Variants in CRACR2A observed in about 807,000 individuals in gnomAD.
CRACR2A encodes EF-hand calcium-binding domain-containing protein 4B.
In CRACR2A, 79 loss-of-function variants were observed where a neutral mutation model predicts 90.5. The observed-to-expected ratio is 0.87, with a 90% confidence interval of 0.73 to 1.05. CRACR2A has a LOEUF of 1.05. Among genes scored for constraint, CRACR2A ranks in the 50% least tolerant of loss-of-function variants. The pLI, the probability that CRACR2A is intolerant of heterozygous loss-of-function variation, is 0.00. For synonymous variants in CRACR2A, 338 were observed against 356.7 expected (o/e 0.95, Z 0.59); for missense variants, 823 against 897.2 (o/e 0.92, Z 1.06).
chr12:3,629,585 G>C (rs1206574138), intron 15 of CRACR2A, among the ~76,000 whole-genome samples: 1 of 152,244 alleles, frequency 6.6e-6, no homozygotes, highest in Non-Finnish European at 1.5e-5. Flanking sequence ...CTTGCAGGTA[G>C]ACGGGCAGGG....
intron 15 of CRACR2A, among the ~76,000 whole-genome samples, chr12:3,629,663 G>T (rs1177239092): frequency 6.6e-6 from 1 of 152,204 alleles, no homozygotes; most frequent in African/African-American, 2.4e-5. Flanking sequence ...ACAGGCAGCT[G>T]CCTCTGGCAG....
At chr12:3,732,843 G>A (rs148349423) in intron 2 of CRACR2A, 99 bp downstream of exon 2, 2 of 152,368 alleles carry the variant, frequency 1.3e-5, no homozygotes, top group East Asian at 1.9e-4. Context: ...GAGAAATGCT[G>A]TTTTCTTATC....
intron 18 of CRACR2A, 55 bp downstream of exon 18, chr12:3,619,216 C>T (rs1867757683): frequency 6.8e-7 from 1 of 1,467,154 alleles, no homozygotes; most frequent in Non-Finnish European, 9.3e-7. Flanking sequence ...GGCACTTGCC[C>T]AACTTCCCTC....
At chr12:3,616,196 G>A (rs1401355140) in intron 19 of CRACR2A, among the ~76,000 whole-genome samples, 2 of 152,166 alleles carry the variant, frequency 1.3e-5, no homozygotes, top group African/African-American at 4.8e-5. Context: ...CTATAACCTC[G>A]CCAATGCATA....
intron 11 of CRACR2A, among the ~76,000 whole-genome samples, chr12:3,647,130 C>A (rs903829567): frequency 6.6e-6 from 1 of 152,206 alleles, no homozygotes; most frequent in East Asian, 1.9e-4. Context: ...CCCCGTCACA[C>A]CCCAGCTGTT....
chr12:3,689,522 T>C (rs991815404), intron 4 of CRACR2A, among the ~76,000 whole-genome samples: 1 of 152,242 alleles, frequency 6.6e-6, no homozygotes, highest in Admixed American at 6.5e-5. Context: ...TGAACCAACC[T>C]TGCATCCCAG....
In CRACR2A at chr12:3,638,380, G is replaced by C. The variant is rs768046618; in HGVS notation, c.1346C>G (p.Thr449Arg). The C allele has an allele frequency of 3.0e-5, 47 of 1,551,510 alleles. No individual in the cohort carries two copies. The highest frequency in any genetic ancestry group is 3.8e-5 in the Non-Finnish European group (44 of 1,146,954). Residue 449 changes from threonine (T) to arginine (R), a missense_variant, in exon 14 of 20, where the codon ACA becomes AGA. Physicochemically the swap from Thr to Arg is moderately conservative, Grantham distance 71 (BLOSUM62 -1). Transcript: ENST00000440314. ...CTCCCCGGTTCCTGGCTCCTCTTCT[G>C]TTAGGGGATATCCACTCAGGCCCAG... is the stretch of plus-strand genomic sequence containing the variant. ...SSLGLSGYPL[T>R]EEEPGTGEPG...
At chr12:3,708,839 T>C (rs1464619184) in intron 3 of CRACR2A, among the ~76,000 whole-genome samples, 1 of 152,228 alleles carries the variant, frequency 6.6e-6, no homozygotes. Flanking sequence ...TTTGTATATT[T>C]TCTATGCGAT....
intron 2 of CRACR2A, among the ~76,000 whole-genome samples, chr12:3,724,691 G>A (rs1008577494): frequency 2.6e-5 from 4 of 152,222 alleles, no homozygotes; most frequent in African/African-American, 9.6e-5. Context: ...GTCTGGGGCT[G>A]CAAAACAAAT....
chr12:3,750,383 G>A (rs997501685), intron 1 of CRACR2A, among the ~76,000 whole-genome samples: 3 of 152,110 alleles, frequency 2.0e-5, no homozygotes, highest in East Asian at 1.9e-4. Context: ...CCATGATTTC[G>A]CAAAGACTCA....
chr12:3,705,773 C>T (rs554459787), intron 3 of CRACR2A, among the ~76,000 whole-genome samples: 3 of 152,258 alleles, frequency 2.0e-5, no homozygotes, highest in East Asian at 1.9e-4. Flanking sequence ...CTGTGGGGTC[C>T]GCACTAACTG....
intron 4 of CRACR2A, among the ~76,000 whole-genome samples, chr12:3,683,106 A>G (rs1945488101): frequency 6.6e-6 from 1 of 152,128 alleles, no homozygotes; most frequent in South Asian, 2.1e-4. Context: ...ACTAAGTGAG[A>G]TAAGCAGGGT....
At chr12:3,680,174 T>C (rs1945418964) in intron 5 of CRACR2A, 64 bp downstream of exon 5, 1 of 1,362,970 alleles carries the variant, frequency 7.3e-7, no homozygotes, top group Non-Finnish European at 1.0e-6. Context: ...GGGACAGGAA[T>C]GCACCTTATA....
intron 15 of CRACR2A, among the ~76,000 whole-genome samples, chr12:3,628,543 G>C (rs1446788807): frequency 6.6e-6 from 1 of 152,214 alleles, no homozygotes; most frequent in African/African-American, 2.4e-5. Flanking sequence ...CTCAACCCCA[G>C]AGAGAGGGGG....
At chr12:3,664,010 T>C (rs1945084687) in intron 7 of CRACR2A, among the ~76,000 whole-genome samples, 1 of 152,246 alleles carries the variant, frequency 6.6e-6, no homozygotes. Flanking sequence ...CCTGTCACTA[T>C]GCTAATAGGT....
At chr12:3,671,115 G>T (rs1398174790) in intron 7 of CRACR2A, among the ~76,000 whole-genome samples, 1 of 152,176 alleles carries the variant, frequency 6.6e-6, no homozygotes, top group East Asian at 1.9e-4. Context: ...GGGCTAAGCA[G>T]CTCTCCAGCA....
intron 3 of CRACR2A, 49 bp from the exon 4 acceptor site, chr12:3,697,084 A>C: frequency 6.0e-6 from 9 of 1,501,570 alleles, no homozygotes; most frequent in Non-Finnish European, 8.0e-6. Flanking sequence ...GGTTGGAGTG[A>C]GGCTGAAAAA....
chr12:3,637,031 CCGA>C (rs1944467062), intron 14 of CRACR2A, among the ~76,000 whole-genome samples: 2 of 152,172 alleles, frequency 1.3e-5, no homozygotes, highest in African/African-American at 4.8e-5. Context: ...GGGGCCTATT[CCGA>C]GGCCTGGGTC....
At chr12:3,696,697 C>T (rs895641192) in intron 4 of CRACR2A, 75 bp downstream of exon 4, 33 of 1,594,256 alleles carry the variant, frequency 2.1e-5, no homozygotes, top group African/African-American at 5.4e-5. Flanking sequence ...TCACCTCCCA[C>T]GGGGCAAGCT....
Sources: gnomAD v4.1 joint callset for allele counts (sites outside exome capture counted in the v4.1 genomes callset) on GRCh38, gnomAD v4.1.1 for gene constraint, MANE v1.5 for transcripts, NCBI Gene and HGNC (gene_info 2026-07-23, HGNC 2026-07-21) for gene names.